CNGB3: variants seen among roughly 807,000 people sequenced by gnomAD.
The protein encoded by CNGB3 is cyclic nucleotide-gated channel beta-3.
Under a neutral mutation model 92.8 loss-of-function variants are expected in CNGB3, and 86 were observed. The ratio of observed to expected loss-of-function variants is 0.93; its 90% CI spans 0.78 to 1.11. The LOEUF (loss-of-function observed/expected upper bound fraction) is 1.11, where lower values mean the gene tolerates loss of function less well. Ranked by LOEUF, CNGB3 falls within the 50% of genes least tolerant of loss-of-function variation. The pLI, the probability that CNGB3 is intolerant of heterozygous loss-of-function variation, is 0.00. For missense variants in CNGB3, 1,026 were observed against 956.8 expected (o/e 1.07, Z -0.95); for synonymous variants, 333 against 332.7 (o/e 1.00, Z -0.01).
At chr8:86,631,366 G>C (rs986383584) in intron 11 of CNGB3, among the ~76,000 whole-genome samples, 2 of 152,048 alleles carry the variant, frequency 1.3e-5, no homozygotes, top group African/African-American at 4.8e-5. Flanking sequence ...AAATCGTCTT[G>C]CACATAGTAA....
Position 86,629,135 on chromosome 8 carries a change from T to C in CNGB3, c.1321-57A>G, listed in dbSNP as rs1713960256. ...AGCAGAGGAAATGAGTTAATAAAAG[T>C]CAAATTACATGTTTTCCACATGATA... On this transcript the variant is annotated intron_variant, in intron 11 of 17. Coordinates refer to ENST00000320005, the MANE Select transcript of CNGB3 (RefSeq NM_019098.5). The C allele has an allele frequency of 1.9e-6, 3 of 1,570,268 alleles. No homozygotes were observed. The African/African-American group carries it at 4.1e-5, about 21-fold the overall frequency.
intron 9 of CNGB3, 31 bp downstream of exon 9, chr8:86,644,591 C>G: frequency 1.3e-6 from 2 of 1,597,446 alleles, no homozygotes; most frequent in South Asian, 2.2e-5. Context: ...GCTTTTTCCC[C>G]TTCCCCCAAG....
chr8:86,738,480 TG>T (rs1221616797), intron 2 of CNGB3, among the ~76,000 whole-genome samples: 5 of 152,070 alleles, frequency 3.3e-5, no homozygotes, highest in Non-Finnish European at 7.4e-5. Flanking sequence ...CCACTTGGCC[TG>T]GGGGTAGTGC....
intron 6 of CNGB3, among the ~76,000 whole-genome samples, chr8:86,664,550 G>C (rs1823705416): frequency 6.6e-6 from 1 of 152,182 alleles, no homozygotes; most frequent in African/African-American, 2.4e-5. Context: ...GTGGTTATAA[G>C]ACTTGGGTTT....
In CNGB3 at chr8:86,667,050, G is replaced by C; in HGVS notation, c.727C>G (p.Pro243Ala). 1 of 1,614,046 alleles carries C rather than the reference G, an allele frequency of 6.2e-7. No individual in the cohort carries two copies. The highest frequency in any genetic ancestry group is 8.5e-7 in the Non-Finnish European group (1 of 1,179,966). ...TGTATGTTGTCTGCGGTTTGATATG[G>C]GAAGACGAGGCGCAGTGGTATAAAA... is the stretch of plus-strand genomic sequence containing the variant. Reference protein sequence around the residue: ...CCFIPLRLVFPYQTADNIHYW... With the variant: ...CCFIPLRLVFAYQTADNIHYW... The change falls in exon 6 of 18, where the codon CCA becomes GCA. Residue 243 changes from proline (P) to alanine (A), a missense_variant. Physicochemically the swap from Pro to Ala is conservative, Grantham distance 27. Transcript: ENST00000320005.
rs749748983 is a variant in CNGB3, at chr8:86,654,032, T to C, written c.883A>G (p.Arg295Gly). 1.2e-6 allele frequency: 2 copies of C among 1,603,102 alleles called. No individual in the cohort carries two copies. The highest frequency in any genetic ancestry group is 1.7e-6 in the Non-Finnish European group (2 of 1,170,142). ...VDSNELRKHYRTSTKFQLDVA... is the reference protein window; with the variant it reads ...VDSNELRKHYGTSTKFQLDVA... ...CCTACCTGAAATTTTGTAGAAGTCC[T>C]GTAGTGTTTCCTTAGCTCATTTGAA... The change falls in exon 7 of 18, where the codon AGG (arginine) becomes GGG (glycine). Residue 295 changes from arginine (R) to glycine (G), a missense_variant. Coordinates refer to ENST00000320005, the MANE Select transcript of CNGB3 (RefSeq NM_019098.5).
intron 2 of CNGB3, among the ~76,000 whole-genome samples, chr8:86,732,982 T>G (rs1182874917): frequency 6.6e-6 from 1 of 152,208 alleles, no homozygotes; most frequent in Non-Finnish European, 1.5e-5. Flanking sequence ...TGAATGATCC[T>G]GTCACACAGT....
At position 86,724,803 on chromosome 8, in the gene CNGB3, G is replaced by A. The variant is rs1253036350; in HGVS notation, c.338+1728C>T. 7.2e-5 allele frequency among the ~76,000 whole-genome samples: 11 copies of A among 151,992 alleles called. No homozygotes were observed. In the East Asian group the frequency reaches 2.1e-3, roughly 29 times the overall value. On this transcript the variant is annotated intron_variant, in intron 3 of 17. Coordinates refer to ENST00000320005, the MANE Select transcript of CNGB3 (RefSeq NM_019098.5). Reference sequence around the variant, plus strand: ...GGAGGAAAGAATAGAACAAGCAGAGGAAGTAGTATGTGCAAAAGCCTGCGG... The same window carrying A: ...GGAGGAAAGAATAGAACAAGCAGAGAAAGTAGTATGTGCAAAAGCCTGCGG...
chr8:86,638,444 T>C (rs1356633400), intron 10 of CNGB3, among the ~76,000 whole-genome samples: 1 of 152,122 alleles, frequency 6.6e-6, no homozygotes. Flanking sequence ...TTGTGGTAAA[T>C]CTGTAGTGGG....
At chr8:86,641,750 C>G (rs1315759752) in intron 10 of CNGB3, among the ~76,000 whole-genome samples, 1 of 151,732 alleles carries the variant, frequency 6.6e-6, no homozygotes, top group Non-Finnish European at 1.5e-5. Context: ...TGTGTTTTAG[C>G]CTTTGGAGAT....
intron 7 of CNGB3, among the ~76,000 whole-genome samples, chr8:86,650,105 T>C (rs1823371714): frequency 1.3e-5 from 2 of 151,598 alleles, no homozygotes; most frequent in Non-Finnish European, 3.0e-5. Context: ...CTACAGGTAT[T>C]GATCTTTGTA....
At chr8:86,636,763 C>T (rs548998184) in intron 10 of CNGB3, among the ~76,000 whole-genome samples, 1 of 151,956 alleles carries the variant, frequency 6.6e-6, no homozygotes, top group Non-Finnish European at 1.5e-5. Flanking sequence ...TCCTCCAGCC[C>T]CTGGTAACCC....
chr8:86,743,359 G>A, intron 1 of CNGB3, 140 bp downstream of exon 1: 1 of 890,314 alleles, frequency 1.1e-6, no homozygotes, highest in Non-Finnish European at 1.8e-6. Flanking sequence ...AATTAATGAA[G>A]ATAAGCCCGA....
At chr8:86,667,339 C>T (rs557093305) in intron 5 of CNGB3, among the ~76,000 whole-genome samples, 6 of 152,158 alleles carry the variant, frequency 3.9e-5, no homozygotes, top group Admixed American at 6.5e-5. Context: ...TCACCTCTTC[C>T]GAAAGTGGAG....
At chr8:86,714,572 A>T (rs1433705825) in intron 3 of CNGB3, among the ~76,000 whole-genome samples, 2 of 152,202 alleles carry the variant, frequency 1.3e-5, no homozygotes, top group Admixed American at 1.3e-4. Flanking sequence ...ACAGAACAGC[A>T]TATGGAGACT....
intron 3 of CNGB3, among the ~76,000 whole-genome samples, chr8:86,722,047 A>T (rs904234509): frequency 3.0e-4 from 46 of 152,192 alleles, no homozygotes; most frequent in African/African-American, 1.1e-3. Flanking sequence ...TCTCAGTATT[A>T]TGAGTAACAA....
intron 14 of CNGB3, among the ~76,000 whole-genome samples, chr8:86,605,584 G>T (rs921580358): frequency 6.6e-6 from 1 of 152,064 alleles, no homozygotes; most frequent in Non-Finnish European, 1.5e-5. Context: ...AAATCAACTC[G>T]AGATTAAAAG....
At chr8:86,675,486 G>A (rs990017810) in intron 3 of CNGB3, among the ~76,000 whole-genome samples, 1 of 152,130 alleles carries the variant, frequency 6.6e-6, no homozygotes, top group Non-Finnish European at 1.5e-5. Flanking sequence ...CACCATCATA[G>A]CTTACTGAGG....
intron 3 of CNGB3, among the ~76,000 whole-genome samples, chr8:86,694,388 G>T (rs1165742153): frequency 1.3e-5 from 2 of 150,902 alleles, no homozygotes. Context: ...GGGGTGGCTG[G>T]CCTGGCGGGG....
Sources: allele counts gnomAD v4.1 joint callset (sites outside exome capture counted in the v4.1 genomes callset), GRCh38; gene constraint gnomAD v4.1.1; transcripts MANE v1.5; gene names NCBI Gene and HGNC (gene_info 2026-07-23, HGNC 2026-07-21).